SAMTOR: variants seen among roughly 807,000 people sequenced by gnomAD.
SAMTOR encodes the protein S-adenosylmethionine sensor upstream of mTORC1, also known as UPF0532 protein C7orf60.
At chr7:112,848,826 G>A in the SAMTOR span, among the ~76,000 whole-genome samples, 1 of 152,016 alleles carries the variant, frequency 6.6e-6, no homozygotes, top group African/African-American at 2.4e-5. Context: ...CGAGGTGGGC[G>A]ATCACGAGGT....
At chr7:112,855,410 ACT>A in the SAMTOR span, among the ~76,000 whole-genome samples, 1 of 152,100 alleles carries the variant, frequency 6.6e-6, no homozygotes, top group African/African-American at 2.4e-5. Context: ...CTCTTTTTAG[ACT>A]CTAATAAAGC....
chr7:112,860,921 A>G, the SAMTOR span, among the ~76,000 whole-genome samples: 1 of 151,116 alleles, frequency 6.6e-6, no homozygotes, highest in Non-Finnish European at 1.5e-5. Context: ...TCAAAAAAAA[A>G]AAAAAAAAAA....
the SAMTOR span, among the ~76,000 whole-genome samples, chr7:112,914,713 T>C: frequency 6.6e-6 from 1 of 152,206 alleles, no homozygotes; most frequent in Non-Finnish European, 1.5e-5. Flanking sequence ...GAGTCAAGTA[T>C]TAAATCATTA....
At chr7:112,863,791 G>A in the SAMTOR span, among the ~76,000 whole-genome samples, 134 of 152,324 alleles carry the variant, frequency 8.8e-4, no homozygotes, top group African/African-American at 3.1e-3. Context: ...GGGGAAAAAG[G>A]AATGCTTACA....
chr7:112,842,821 A>C, the SAMTOR span, among the ~76,000 whole-genome samples: 15 of 151,970 alleles, frequency 9.9e-5, no homozygotes, highest in African/African-American at 3.4e-4. Context: ...TTCTTCATCA[A>C]AAAAGGCTAG....
chr7:112,905,415 C>A, the SAMTOR span, among the ~76,000 whole-genome samples: 2 of 152,078 alleles, frequency 1.3e-5, no homozygotes, highest in African/African-American at 4.8e-5. Flanking sequence ...TTAAACTGTT[C>A]CAAACCATAG....
chr7:112,846,682 A>G, the SAMTOR span, among the ~76,000 whole-genome samples: 5 of 152,288 alleles, frequency 3.3e-5, no homozygotes, highest in African/African-American at 7.2e-5. Context: ...GATGAGCTAA[A>G]TATGTGGCCA....
the SAMTOR span, among the ~76,000 whole-genome samples, chr7:112,833,596 T>C: frequency 1.3e-5 from 2 of 152,208 alleles, no homozygotes; most frequent in African/African-American, 2.4e-5. Flanking sequence ...AATTCTGTAG[T>C]ATAGATTCTA....
At chr7:112,822,080 C>A in the SAMTOR span, 8 of 1,613,676 alleles carry the variant, frequency 5.0e-6, no homozygotes, top group Non-Finnish European at 4.2e-6. Flanking sequence ...CTATAGCAAT[C>A]TTCCAGCTTT....
At chr7:112,863,945 C>T in the SAMTOR span, among the ~76,000 whole-genome samples, 6 of 152,286 alleles carry the variant, frequency 3.9e-5, no homozygotes, top group East Asian at 9.7e-4. Context: ...AAGACACATG[C>T]ACATGTATGT....
chr7:112,826,134 T>A, the SAMTOR span, among the ~76,000 whole-genome samples: 2 of 152,194 alleles, frequency 1.3e-5, no homozygotes, highest in African/African-American at 4.8e-5. Context: ...TCTGTAGTTT[T>A]GTTTTATAAC....
At chr7:112,917,318 C>T in the SAMTOR span, among the ~76,000 whole-genome samples, 6 of 152,348 alleles carry the variant, frequency 3.9e-5, no homozygotes, top group African/African-American at 1.4e-4. Context: ...TCTGCAGCCA[C>T]CGCTGCTCCA....
At chr7:112,910,905 C>A in the SAMTOR span, among the ~76,000 whole-genome samples, 836 of 152,110 alleles carry the variant, frequency 5.5e-3, 3 homozygotes, top group Middle Eastern at 0.01. Context: ...TAAAAAACAA[C>A]GTATTAAAAA....
At chr7:112,858,620 T>C in the SAMTOR span, among the ~76,000 whole-genome samples, 1 of 152,202 alleles carries the variant, frequency 6.6e-6, no homozygotes, top group Non-Finnish European at 1.5e-5. Flanking sequence ...TAATCATAAA[T>C]TCAAACTAAT....
chr7:112,853,695 C>A, the SAMTOR span, among the ~76,000 whole-genome samples: 2 of 152,040 alleles, frequency 1.3e-5, no homozygotes, highest in East Asian at 3.9e-4. Flanking sequence ...TCTCTAGAGT[C>A]AGTGAAGGGC....
At chr7:112,918,403 A>AT in the SAMTOR span, among the ~76,000 whole-genome samples, 1 of 152,188 alleles carries the variant, frequency 6.6e-6, no homozygotes, top group Non-Finnish European at 1.5e-5. Flanking sequence ...ATGCTGAGAG[A>AT]TTTTGTCACC....
chr7:112,926,099 G>A, the SAMTOR span, among the ~76,000 whole-genome samples: 7 of 152,228 alleles, frequency 4.6e-5, no homozygotes, highest in East Asian at 1.2e-3. Context: ...TGAATAAGGG[G>A]ACAATCTCAG....
At chr7:112,925,068 T>C in the SAMTOR span, among the ~76,000 whole-genome samples, 2 of 152,168 alleles carry the variant, frequency 1.3e-5, no homozygotes, top group South Asian at 2.1e-4. Context: ...TATTGGAATA[T>C]TAATTTAAAC....
the SAMTOR span, among the ~76,000 whole-genome samples, chr7:112,825,966 T>C: frequency 6.6e-6 from 1 of 152,144 alleles, no homozygotes; most frequent in East Asian, 1.9e-4. Context: ...CTTTTTGAGT[T>C]CATACGATAG....
Sources: allele counts gnomAD v4.1 joint callset (sites outside exome capture counted in the v4.1 genomes callset), GRCh38; gene constraint gnomAD v4.1.1; transcripts MANE v1.5; gene names NCBI Gene and HGNC (gene_info 2026-07-23, HGNC 2026-07-21).